Variants in ARAP1 observed in about 807,000 individuals in gnomAD.
ARAP1 encodes ArfGAP with RhoGAP domain, ankyrin repeat and PH domain 1.
Under a neutral mutation model 172.2 loss-of-function variants are expected in ARAP1, and 76 were observed. The ratio of observed to expected loss-of-function variants is 0.44; its 90% CI spans 0.37 to 0.53. ARAP1 has a LOEUF of 0.53. ARAP1 is among the 20% of genes least tolerant of loss of function. The pLI, the probability that ARAP1 is intolerant of heterozygous loss-of-function variation, is 0.00. For missense variants in ARAP1, 1,686 were observed against 1,977.5 expected, an observed-to-expected ratio of 0.85 and a Z score of 2.80; for synonymous variants, 804 against 803.3, an observed-to-expected ratio of 1.00 and a Z score of -0.01.
chr11:72,713,073 G>A, intron 5 of ARAP1, 103 bp downstream of exon 5: 1 of 1,255,304 alleles, frequency 8.0e-7, no homozygotes, highest in South Asian at 1.3e-5. Context: ...AGCCTCCCGG[G>A]AAATGGCTGC....
At chr11:72,690,769 A>C (rs1290609431) in intron 30 of ARAP1, among the ~76,000 whole-genome samples, 1 of 152,218 alleles carries the variant, frequency 6.6e-6, no homozygotes, top group African/African-American at 2.4e-5. Context: ...CTTGATGCTT[A>C]AGGATCTCTG....
In ARAP1 at chr11:72,709,797, T is replaced by G. The variant is rs1490032365; in HGVS notation, c.1523+73A>C. On this transcript the variant is annotated intron_variant, in intron 11 of 34. Coordinates refer to ENST00000393609, the MANE Select transcript of ARAP1 (RefSeq NM_001040118.3). ...AACCCATCCCATAGGAAGGGGCAGC[T>G]TCCCACGTCGCGCAAAAGGAAAACA... The G allele has an allele frequency of 5.2e-6, 8 of 1,525,532 alleles. No homozygotes were observed. In the African/African-American group the frequency reaches 8.2e-5, roughly 16 times the overall value. 94.5% of individuals were successfully genotyped at this position (1,525,532 alleles called of 1,614,324 possible).
intron 1 of ARAP1, among the ~76,000 whole-genome samples, chr11:72,745,188 T>TTC (rs1858319547): frequency 7.4e-6 from 1 of 135,910 alleles, no homozygotes; most frequent in African/African-American, 2.8e-5. Flanking sequence ...CTTTCTTTTT[T>TTC]TTTTTTTTTT....
chr11:72,699,658 C>A lies in ARAP1; in HGVS notation c.2303-106G>T, dbSNP rs1856385571. On this transcript the variant is annotated intron_variant, in intron 16 of 34. Transcript: ENST00000393609. The surrounding 1 kb of genome is among the most constrained non-coding windows in gnomAD (Gnocchi z 4.2). ...GCTCCCATCTGACCCATGAGCTCTT[C>A]ATTCTCTCAAGTTTTCCCTAAATCC... The A allele has an allele frequency of 2.1e-6, 3 of 1,436,824 alleles. No homozygotes were observed. The Admixed American group carries it at 6.7e-5, about 32-fold the overall frequency. 89.0% of individuals were successfully genotyped at this position (1,436,824 alleles called of 1,614,324 possible). A position where few individuals can be genotyped will look rare whatever the true frequency, so the allele number is the denominator to read the frequency against.
Position 72,685,565 on chromosome 11 carries a change from C to T in ARAP1, c.*99G>A. ...GGGTTGTGGGGTGCAGTTTCCCATGCACCCCCCGCTGGCTCACATCAGGCC... is the reference window on the plus strand; with the variant it reads ...GGGTTGTGGGGTGCAGTTTCCCATGTACCCCCCGCTGGCTCACATCAGGCC... On this transcript the variant is annotated 3_prime_UTR_variant, in exon 35 of 35. Transcript: ENST00000393609. 6.5e-7 allele frequency: 1 copy of T among 1,529,192 alleles called. No homozygotes were observed. The highest frequency in any genetic ancestry group is 9.1e-7 in the Non-Finnish European group (1 of 1,104,818). 94.7% of individuals were successfully genotyped at this position (1,529,192 alleles called of 1,614,324 possible). A position where few individuals can be genotyped will look rare whatever the true frequency, so the allele number is the denominator to read the frequency against.
chr11:72,697,707 C>G, intron 19 of ARAP1, 58 bp from the exon 20 acceptor site: 2 of 1,605,922 alleles, frequency 1.2e-6, no homozygotes, highest in African/African-American at 2.7e-5. Context: ...CCAACCTGCT[C>G]CCTCCCTCTG....
intron 3 of ARAP1, among the ~76,000 whole-genome samples, chr11:72,717,074 ACAGGTGGG>A (rs1171230210): frequency 1.3e-5 from 2 of 152,246 alleles, no homozygotes; most frequent in African/African-American, 4.8e-5. Context: ...AGGTGGGTGG[ACAGGTGGG>A]CAGGTGGAAG....
rs868366585 is a variant in ARAP1, at chr11:72,726,654, G to A, written c.475C>T (p.Pro159Ser). 1 of 1,535,668 alleles carries A rather than the reference G, an allele frequency of 6.5e-7. No individual in the cohort carries two copies. The highest frequency in any genetic ancestry group is 2.4e-5 in the East Asian group (1 of 41,990). The stretch of plus-strand genomic sequence containing the variant: ...AGGCGGGGGGGTCCGGTGCGGGGCG[G>A]CACGGGTGGAACGCTCAGCTCTGCC... The part of the protein sequence containing the change: ...HLAELSVPPV[P>S]PRTGPPRLLV... Residue 159 changes from proline to serine, a missense_variant, in exon 3 of 35, where the codon CCG becomes TCG. By Grantham distance (74) the Pro-to-Ser change is moderately conservative. This residue lies in a region of ARAP1 where 190 missense variants were observed against 228.6 expected (regional missense o/e 0.83). Coordinates refer to ENST00000393609, the MANE Select transcript of ARAP1 (RefSeq NM_001040118.3). The surrounding 1 kb of genome is among the most constrained non-coding windows in gnomAD (Gnocchi z 6.5).
rs1297591059 is a variant in ARAP1, at chr11:72,686,164, G to C, written c.4213C>G (p.Pro1405Ala). 1 of 1,613,648 alleles carries C rather than the reference G, an allele frequency of 6.2e-7. No homozygotes were observed. Among genetic ancestry groups the C allele is most frequent in the South Asian group, 1.1e-5 (1 of 91,076 alleles). ...GGCACTGCCCGGGACACGCGTGAGG[G>C]CTCTGAGGGCCACACCAGGCCGTCA... is the stretch of plus-strand genomic sequence containing the variant. ...QHDGLVWPSE[P>A]SRVSRAVPEV... The change falls in exon 34 of 35, where the codon CCC (proline) becomes GCC (alanine). Residue 1405 changes from proline (P) to alanine (A), a missense_variant. Physicochemically the swap from Pro to Ala is conservative, Grantham distance 27 (BLOSUM62 -1). Around this residue, in one of 5 missense-constraint regions of ARAP1, gnomAD observed 379 missense variants for 500.1 expected, o/e 0.76. Transcript: ENST00000393609.
At chr11:72,747,448 G>A (rs1858401310) in intron 1 of ARAP1, among the ~76,000 whole-genome samples, 1 of 152,038 alleles carries the variant, frequency 6.6e-6, no homozygotes, top group African/African-American at 2.4e-5. Flanking sequence ...AACAGGATCA[G>A]GTTCCTGGTT....
At chr11:72,728,104 T>C (rs977839590) in intron 2 of ARAP1, among the ~76,000 whole-genome samples, 9 of 152,268 alleles carry the variant, frequency 5.9e-5, no homozygotes, top group African/African-American at 2.2e-4. Context: ...ACTGTTGTTA[T>C]TATTATTCCT....
chr11:72,752,159 A>G (rs1245945445), intron 1 of ARAP1, among the ~76,000 whole-genome samples, 169 bp downstream of exon 1: 1 of 151,960 alleles, frequency 6.6e-6, no homozygotes, highest in Non-Finnish European at 1.5e-5. Context: ...CCGCTGGCTT[A>G]TCCTCAAGAG....
Position 72,697,016 on chromosome 11 carries a change from G to C in ARAP1, c.3133C>G (p.Arg1045Gly), listed in dbSNP as rs374722023. The change falls in exon 22 of 35, where the codon CGC becomes GGC. Residue 1045 changes from arginine (R) to glycine (G), a missense_variant. Arg to Gly is a moderately radical substitution (Grantham distance 125). Coordinates refer to ENST00000393609, the MANE Select transcript of ARAP1 (RefSeq NM_001040118.3). ...TCCAGCCAGGTTAGGCGCTGGGCGC[G>C]AGTGAAGAGCCCATCAGGCAGGTCG... ...LRDLPDGLFT[R>G]AQRLTWLEAS... The C allele has an allele frequency of 1.2e-6, 2 of 1,608,810 alleles. No individual in the cohort carries two copies. Among genetic ancestry groups the C allele is most frequent in the South Asian group, 1.1e-5 (1 of 91,074 alleles).
intron 1 of ARAP1, among the ~76,000 whole-genome samples, chr11:72,749,997 G>T (rs1009756162): frequency 3.3e-5 from 5 of 152,092 alleles, no homozygotes; most frequent in African/African-American, 1.2e-4. Context: ...TCTAGCTCTT[G>T]GCCTCAGTTT....
chr11:72,709,410 A>G (rs1322375029), intron 11 of ARAP1, among the ~76,000 whole-genome samples: 1 of 152,222 alleles, frequency 6.6e-6, no homozygotes, highest in East Asian at 1.9e-4. Context: ...AAGGCCTGGG[A>G]GTGGGCAAGG....
chr11:72,697,109 A>G lies in ARAP1; in HGVS notation c.3040T>C (p.Ser1014Pro). 6.2e-7 allele frequency: 1 copy of G among 1,608,062 alleles called. No individual in the cohort carries two copies. ...LLESLRQDAR[S>P]VHLKEGEQHV... ...TGCTCGCCCTCCTTGAGGTGCACAGAGCGCGCATCCTGCCGCAGGCTCTCC... is the reference window on the plus strand; with the variant it reads ...TGCTCGCCCTCCTTGAGGTGCACAGGGCGCGCATCCTGCCGCAGGCTCTCC... The change falls in exon 22 of 35, where the codon TCT becomes CCT. Residue 1014 changes from serine to proline, a missense_variant. Ser to Pro is a moderately conservative substitution (Grantham distance 74). Coordinates refer to ENST00000393609, the MANE Select transcript of ARAP1 (RefSeq NM_001040118.3).
intron 13 of ARAP1, 168 bp from the exon 14 acceptor site, chr11:72,704,502 TG>T: frequency 2.9e-6 from 2 of 701,314 alleles, no homozygotes; most frequent in Non-Finnish European, 4.6e-6. Context: ...TGGCTGGGGA[TG>T]CTCCTGCCAC....
rs967477093 is a variant in ARAP1, at chr11:72,685,691, G to A, written c.4336-10C>T. 1.9e-6 allele frequency: 3 copies of A among 1,613,918 alleles called. No homozygotes were observed. Among genetic ancestry groups the A allele is most frequent in the Non-Finnish European group, 2.5e-6 (3 of 1,179,892 alleles). On this transcript the variant is annotated splice_polypyrimidine_tract_variant and intron_variant, in intron 34 of 34. Coordinates refer to ENST00000393609, the MANE Select transcript of ARAP1 (RefSeq NM_001040118.3). ...AGACGTTGCGCAGAAGCTGCAGGAA[G>A]GCAAGAGACCCACAGGTATTTTGTG...
rs1320274409 is a variant in ARAP1, at chr11:72,711,563, C to T, written c.1023-64G>A. ...TAGGAGGACAGGTTCCAGGACCACC[C>T]CAGCCCTCAGAAGCCACACTCAGAG... On this transcript the variant is annotated intron_variant, in intron 7 of 34. Transcript: ENST00000393609. The T allele has an allele frequency of 7.1e-6, 10 of 1,413,972 alleles. No individual in the cohort carries two copies. In the East Asian group the frequency reaches 2.1e-4, roughly 29 times the overall value. 87.6% of individuals were successfully genotyped at this position (1,413,972 alleles called of 1,614,324 possible). A position where few individuals can be genotyped will look rare whatever the true frequency, so the allele number is the denominator to read the frequency against.
Sources: gnomAD v4.1 joint callset for allele counts (sites outside exome capture counted in the v4.1 genomes callset) on GRCh38, gnomAD v4.1.1 for gene constraint, gnomAD v4.1.1 regional missense constraint, Gnocchi (gnomAD v3.1) non-coding constraint, MANE v1.5 for transcripts, NCBI Gene and HGNC (gene_info 2026-07-23, HGNC 2026-07-21) for gene names.